The following AGL variants were observed in gnomAD, a reference collection of about 807,000 sequenced individuals.
AGL encodes glycogen debranching enzyme.
Under a neutral mutation model 199.3 loss-of-function variants are expected in AGL, and 128 were observed. That is an observed-to-expected ratio of 0.64 (90% CI 0.56 to 0.74). The LOEUF (loss-of-function observed/expected upper bound fraction) is 0.74, where lower values mean the gene tolerates loss of function less well. AGL is among the 30% of genes least tolerant of loss of function. AGL has a pLI of 0.00. For missense variants in AGL, 1,809 were observed against 1,820.8 expected (o/e 0.99, Z 0.12); for synonymous variants, 584 against 594.7 (o/e 0.98, Z 0.26).
Position 99,896,357 on chromosome 1 carries a change from C to T in AGL, c.3331C>T (p.Leu1111=), listed in dbSNP as rs1475691182. The change falls in exon 25 of 34, where the codon CTG becomes TTG. Residue 1111 remains leucine, a synonymous_variant. Transcript: ENST00000361915. ...TACTTTTATTGCACTTAGAGGTATA[C>T]TGCTGATTACTGGACGCTATGTAGA... ...RDTFIALRGI[L]LITGRYVEAR... The T allele has an allele frequency of 1.2e-6, 2 of 1,614,002 alleles. No homozygotes were observed. Among genetic ancestry groups the T allele is most frequent in the Admixed American group, 3.3e-5 (2 of 60,020 alleles).
intron 21 of AGL, among the ~76,000 whole-genome samples, chr1:99,889,857 A>G (rs1386529516): frequency 1.3e-5 from 2 of 152,038 alleles, no homozygotes; most frequent in Non-Finnish European, 2.9e-5. Context: ...CTTTATACCA[A>G]TCCCTTTTCC....
At chr1:99,896,445 G>A (rs1396447329) in intron 25 of AGL, 57 bp downstream of exon 25, 2 of 1,288,106 alleles carry the variant, frequency 1.6e-6, no homozygotes, top group African/African-American at 2.9e-5. Flanking sequence ...TCTTTTACAT[G>A]CTCTTCAAAC....
At position 99,861,775 on chromosome 1, in the gene AGL, TA is replaced by T; in HGVS notation, c.293+64del. On this transcript the variant is annotated intron_variant, in intron 3 of 33. Coordinates refer to ENST00000361915, the MANE Select transcript of AGL (RefSeq NM_000642.3). ...ATTTGTTCTGTAATTTGAAGTCACC[TA>T]ACTTGTAAATGTTACTGTATGAACC... 5.8e-6 allele frequency: 9 copies of T among 1,564,872 alleles called. No individual in the cohort carries two copies. The South Asian group carries it at 1.0e-4, about 18-fold the overall frequency.
Position 99,892,590 on chromosome 1 carries a change from G to A in AGL, c.3242G>A (p.Cys1081Tyr), listed in dbSNP as rs147375385. 9 of 1,613,450 alleles carry A rather than the reference G, an allele frequency of 5.6e-6. No homozygotes were observed. In the African/African-American group the frequency reaches 1.1e-4, roughly 19 times the overall value. Residue 1081 changes from cysteine to tyrosine, a missense_variant, in exon 24 of 34, where the codon TGT becomes TAT. Cys to Tyr is a radical substitution (Grantham distance 194). Coordinates refer to ENST00000361915, the MANE Select transcript of AGL (RefSeq NM_000642.3). The part of the protein sequence containing the change: ...NEITKEKEQC[C>Y]VSLAAGLPHF... ...ATCACAAAAGAAAAGGAGCAATGTT[G>A]TGTTTCTCTAGCTGCAGGTAAGGAA...
In AGL at chr1:99,902,707, C is replaced by G. The variant is rs775498547; in HGVS notation, c.3613C>G (p.Gln1205Glu). The change falls in exon 27 of 34, where the codon CAG (glutamine) becomes GAG (glutamate). Residue 1205 changes from glutamine to glutamate, a missense_variant. By Grantham distance (29) the Gln-to-Glu change is conservative. Transcript: ENST00000361915. ...TLDQPLFEVI[Q>E]EAMQKHMQGI... ...GGATCAGCCATTGTTTGAAGTCATA[C>G]AGGAAGCAATGCAAAAACACATGCA... 3.7e-5 allele frequency: 59 copies of G among 1,613,306 alleles called. No homozygotes were observed. Among genetic ancestry groups the G allele is most frequent in the Non-Finnish European group, 4.8e-5 (57 of 1,179,400 alleles).
intron 7 of AGL, 60 bp downstream of exon 7, chr1:99,870,929 A>AGTTTTCCCTTTAT: frequency 1.9e-6 from 2 of 1,066,722 alleles, no homozygotes; most frequent in Non-Finnish European, 2.9e-6. Flanking sequence ...TTATAAAGGG[A>AGTTTTCCCTTTAT]AAACTCTCTT....
chr1:99,907,909 C>T (rs1654442424), intron 27 of AGL, among the ~76,000 whole-genome samples: 1 of 151,914 alleles, frequency 6.6e-6, no homozygotes, highest in South Asian at 2.1e-4. Flanking sequence ...TTTGTATATT[C>T]TGGATACGAA....
In AGL at chr1:99,892,579, G is replaced by A. The variant is rs138063386; in HGVS notation, c.3231G>A (p.Lys1077=). 2.1e-4 allele frequency: 344 copies of A among 1,613,380 alleles called. No individual in the cohort carries two copies. The highest frequency in any genetic ancestry group is 2.6e-4 in the Non-Finnish European group (302 of 1,179,652). ...PYRLNEITKE[K]EQCCVSLAAG... ...GGTTAAATGAGATCACAAAAGAAAA[G>A]GAGCAATGTTGTGTTTCTCTAGCTG... The change falls in exon 24 of 34, where the codon AAG becomes AAA. Residue 1077 remains lysine (K), a synonymous_variant. Coordinates refer to ENST00000361915, the MANE Select transcript of AGL (RefSeq NM_000642.3).
intron 10 of AGL, 94 bp downstream of exon 10, chr1:99,875,549 G>T: frequency 9.7e-7 from 1 of 1,033,626 alleles, no homozygotes; most frequent in East Asian, 2.5e-5. Context: ...TTTAACATGT[G>T]AGTTCAGTAC....
Position 99,850,986 on chromosome 1 carries a change from T to G in AGL, c.-57T>G, listed in dbSNP as rs1238099643. On this transcript the variant is annotated 5_prime_UTR_variant, in exon 2 of 34. In the 5' UTR this introduces an upstream ATG that the reference lacks. Coordinates refer to ENST00000361915, the MANE Select transcript of AGL (RefSeq NM_000642.3). ...TTTTTGTTTCATAGGGGTAACTCAT[T>G]CGACTGTGGAGTTCTTTTAATTCTT... The G allele has an allele frequency of 2.1e-6, 3 of 1,406,260 alleles. No homozygotes were observed. Among genetic ancestry groups the G allele is most frequent in the South Asian group, 1.2e-5 (1 of 86,644 alleles). 87.1% of individuals were successfully genotyped at this position (1,406,260 alleles called of 1,614,324 possible).
At chr1:99,901,845 A>G (rs1653866713) in intron 26 of AGL, among the ~76,000 whole-genome samples, 1 of 152,166 alleles carries the variant, frequency 6.6e-6, no homozygotes, top group Non-Finnish European at 1.5e-5. Context: ...TATTTATATC[A>G]TGAAGTACTC....
At chr1:99,892,401 C>G in intron 23 of AGL, 31 bp from the exon 24 acceptor site, 3 of 1,595,414 alleles carry the variant, frequency 1.9e-6, no homozygotes, top group Admixed American at 3.3e-5. Context: ...TGTATTTCTA[C>G]AAGTAATAAA....
At chr1:99,889,713 G>A (rs944792286) in intron 21 of AGL, among the ~76,000 whole-genome samples, 1 of 152,152 alleles carries the variant, frequency 6.6e-6, no homozygotes, top group African/African-American at 2.4e-5. Flanking sequence ...CCAAACTTGT[G>A]TGTGCTCTTT....
intron 7 of AGL, among the ~76,000 whole-genome samples, chr1:99,873,257 A>G (rs1651182761): frequency 6.6e-6 from 1 of 152,094 alleles, no homozygotes; most frequent in Non-Finnish European, 1.5e-5. Context: ...CCATCCTTTT[A>G]TACTGATTTG....
chr1:99,905,737 C>A (rs1654235175), intron 27 of AGL, among the ~76,000 whole-genome samples: 1 of 151,978 alleles, frequency 6.6e-6, no homozygotes, highest in Non-Finnish European at 1.5e-5. Flanking sequence ...CTGAACCAGG[C>A]TAATTTCTTT....
chr1:99,853,030 G>A (rs1388293428), intron 2 of AGL, among the ~76,000 whole-genome samples: 1 of 152,058 alleles, frequency 6.6e-6, no homozygotes, highest in Non-Finnish European at 1.5e-5. Context: ...TATATTCTTT[G>A]ATGATTTCTT....
At chr1:99,907,888 G>C (rs1467042457) in intron 27 of AGL, among the ~76,000 whole-genome samples, 3 of 151,872 alleles carry the variant, frequency 2.0e-5, no homozygotes, top group Admixed American at 6.6e-5. Flanking sequence ...TGTTATTGAG[G>C]TGCAGGGTGC....
chr1:99,889,656 T>C (rs1356828553), intron 21 of AGL, among the ~76,000 whole-genome samples: 1 of 152,188 alleles, frequency 6.6e-6, no homozygotes, highest in African/African-American at 2.4e-5. Flanking sequence ...ATTATCTACT[T>C]CATTTTCACT....
chr1:99,891,111 G>T, intron 21 of AGL, 109 bp from the exon 22 acceptor site: 1 of 1,367,556 alleles, frequency 7.3e-7, no homozygotes, highest in Non-Finnish European at 1.0e-6. Context: ...CCTCTAATAC[G>T]TATTCACCCC....
Sources: gnomAD v4.1 joint callset for allele counts (sites outside exome capture counted in the v4.1 genomes callset) on GRCh38, gnomAD v4.1.1 for gene constraint, MANE v1.5 for transcripts, NCBI Gene and HGNC (gene_info 2026-07-23, HGNC 2026-07-21) for gene names.